PDE8A: variants seen among roughly 807,000 people sequenced by gnomAD.
The protein encoded by PDE8A is high affinity cAMP-specific and IBMX-insensitive 3',5'-cyclic phosphodiesterase 8A.
In PDE8A, 59 loss-of-function variants were observed where a neutral mutation model predicts 105.0. The ratio of observed to expected loss-of-function variants is 0.56; its 90% CI spans 0.46 to 0.70. The LOEUF (loss-of-function observed/expected upper bound fraction) is 0.70, where lower values mean the gene tolerates loss of function less well. Among genes scored for constraint, PDE8A ranks in the 30% least tolerant of loss-of-function variants. The probability of loss-of-function intolerance (pLI) is 0.00; values close to 1 mark genes in which losing one functional copy is unlikely to be tolerated. For missense variants in PDE8A, 1,014 were observed against 1,045.9 expected (o/e 0.97, Z 0.42); for synonymous variants, 355 against 371.9 (o/e 0.95, Z 0.52).
At chr15:84,982,465 G>A (rs1596403243) in intron 1 of PDE8A, 117 bp downstream of exon 1, 12 of 560,606 alleles carry the variant, frequency 2.1e-5, no homozygotes, top group South Asian at 2.0e-4. Flanking sequence ...CTCTTGTCCC[G>A]CTTTGGATGG....
chr15:84,992,716 G>A (rs765898436), intron 1 of PDE8A, among the ~76,000 whole-genome samples: 51 of 152,132 alleles, frequency 3.4e-4, no homozygotes, highest in Non-Finnish European at 1.0e-4. Context: ...GTGACAAATT[G>A]GACTTGGTGA....
Position 85,116,103 on chromosome 15 carries a change from G to C in PDE8A, c.1519G>C (p.Ala507Pro), listed in dbSNP as rs2082092812. ...YWDFDIFELE[A>P]ATHNRPLIYL... ...GGACTTTGATATTTTTGAACTGGAG[G>C]CTGCCACCCACAATAGGTGAGTTCA... is the stretch of plus-strand genomic sequence containing the variant. The change falls in exon 16 of 22, where the codon GCT becomes CCT. Residue 507 changes from alanine to proline, a missense_variant. Physicochemically the swap from Ala to Pro is conservative, Grantham distance 27 (BLOSUM62 -1). Coordinates refer to ENST00000394553, the MANE Select transcript of PDE8A (RefSeq NM_002605.3). 1.2e-6 allele frequency: 2 copies of C among 1,614,094 alleles called. No homozygotes were observed. The highest frequency in any genetic ancestry group is 1.3e-5 in the African/African-American group (1 of 75,046).
chr15:85,072,153 A>T (rs192601299), intron 3 of PDE8A, among the ~76,000 whole-genome samples: 2 of 152,228 alleles, frequency 1.3e-5, no homozygotes, highest in Admixed American at 6.5e-5. Context: ...GATCCTTTAT[A>T]CCATTATAAA....
intron 21 of PDE8A, 53 bp from the exon 22 acceptor site, chr15:85,137,744 A>C: frequency 8.5e-7 from 1 of 1,182,002 alleles, no homozygotes; most frequent in South Asian, 1.2e-5. Context: ...GTGAAAGCCT[A>C]AAATGTAAAC....
intron 20 of PDE8A, among the ~76,000 whole-genome samples, chr15:85,129,996 T>C (rs1596548090): frequency 6.6e-6 from 1 of 152,226 alleles, no homozygotes; most frequent in Non-Finnish European, 1.5e-5. Context: ...GGCTGGGTAA[T>C]TTATAAAGAA....
intron 1 of PDE8A, among the ~76,000 whole-genome samples, chr15:84,992,513 A>T (rs1364128042): frequency 6.6e-6 from 1 of 152,172 alleles, no homozygotes; most frequent in Non-Finnish European, 1.5e-5. Flanking sequence ...TCAGCGGGGT[A>T]GTCAAAGGAT....
At chr15:85,069,057 T>C (rs2081274208) in intron 3 of PDE8A, among the ~76,000 whole-genome samples, 1 of 152,210 alleles carries the variant, frequency 6.6e-6, no homozygotes, top group African/African-American at 2.4e-5. Context: ...AAAATGAAGT[T>C]CTTGTCTTCT....
chr15:85,028,784 T>A (rs999370561), intron 1 of PDE8A, among the ~76,000 whole-genome samples: 1 of 152,048 alleles, frequency 6.6e-6, no homozygotes, highest in Non-Finnish European at 1.5e-5. Flanking sequence ...AATGAAGACT[T>A]CCCATCTGCT....
intron 21 of PDE8A, 58 bp downstream of exon 21, chr15:85,136,721 G>A: frequency 6.6e-7 from 1 of 1,525,570 alleles, no homozygotes; most frequent in East Asian, 2.3e-5. Context: ...AACCGCGTAT[G>A]AAAGAGCAGA....
chr15:85,052,889 G>T (rs1323258225), intron 1 of PDE8A, among the ~76,000 whole-genome samples: 1 of 152,154 alleles, frequency 6.6e-6, no homozygotes, highest in Non-Finnish European at 1.5e-5. Context: ...TAGTCATGAA[G>T]TCCTTGCCCA....
upstream of PDE8A, among the ~76,000 whole-genome samples, chr15:84,981,497 A>C (rs1596401959): frequency 6.6e-6 from 1 of 151,436 alleles, no homozygotes; most frequent in South Asian, 2.1e-4. Flanking sequence ...TCCCCTCCCT[A>C]CCCTGGCGGA....
chr15:85,128,487 CTG>C (rs1160505161), intron 20 of PDE8A, among the ~76,000 whole-genome samples: 2 of 151,910 alleles, frequency 1.3e-5, no homozygotes, highest in Non-Finnish European at 2.9e-5. Context: ...CAGAGCAAGA[CTG>C]TGTCTTAATA....
intron 20 of PDE8A, among the ~76,000 whole-genome samples, chr15:85,127,897 T>C (rs1279072402): frequency 6.6e-6 from 1 of 151,776 alleles, no homozygotes; most frequent in Non-Finnish European, 1.5e-5. Flanking sequence ...GCTTCAAAAC[T>C]TAAAATAATC....
At chr15:85,133,627 C>T (rs1428703480) in intron 20 of PDE8A, among the ~76,000 whole-genome samples, 2 of 152,194 alleles carry the variant, frequency 1.3e-5, no homozygotes, top group Non-Finnish European at 2.9e-5. Flanking sequence ...GCCAGTCTCT[C>T]ATTTCATGGA....
chr15:84,996,686 T>C (rs2079981704), intron 1 of PDE8A, among the ~76,000 whole-genome samples: 1 of 150,572 alleles, frequency 6.6e-6, no homozygotes, highest in Admixed American at 6.6e-5. Flanking sequence ...ATTAGGCGGG[T>C]ATAGTGGCAC....
In PDE8A at chr15:84,982,002, A is replaced by G. The variant is rs2079717482; in HGVS notation, c.-161A>G. On this transcript the variant is annotated 5_prime_UTR_variant, in exon 1 of 22. Transcript: ENST00000394553. ...CCGCCGCCGCAGCGCCCGCACCGCG[A>G]TAAAAGGGGCGGCCGCGTTTCCTGA... The G allele has an allele frequency of 6.0e-6, 2 of 334,474 alleles. No individual in the cohort carries two copies. The highest frequency in any genetic ancestry group is 1.0e-5 in the Non-Finnish European group (2 of 193,958). 20.7% of individuals were successfully genotyped at this position (334,474 alleles called of 1,614,324 possible). A position where few individuals can be genotyped will look rare whatever the true frequency, so the allele number is the denominator to read the frequency against.
At chr15:85,009,118 T>A (rs1266374009) in intron 1 of PDE8A, among the ~76,000 whole-genome samples, 4 of 48,474 alleles carry the variant, frequency 8.3e-5, no homozygotes, top group Non-Finnish European at 1.4e-4. Context: ...AGAGTGTGTG[T>A]GTGTGTGTGT....
intron 1 of PDE8A, among the ~76,000 whole-genome samples, chr15:84,995,106 T>C (rs569512549): frequency 2.0e-5 from 3 of 152,216 alleles, no homozygotes; most frequent in Non-Finnish European, 4.4e-5. Context: ...AAATATTTAG[T>C]GTATATTTGC....
intron 18 of PDE8A, among the ~76,000 whole-genome samples, chr15:85,121,965 G>A (rs1439313683): frequency 6.6e-6 from 1 of 152,162 alleles, no homozygotes; most frequent in South Asian, 2.1e-4. Context: ...TCAAGGTGAA[G>A]TATAATGCTG....
Sources: allele counts gnomAD v4.1 joint callset (sites outside exome capture counted in the v4.1 genomes callset), GRCh38; gene constraint gnomAD v4.1.1; transcripts MANE v1.5; gene names NCBI Gene and HGNC (gene_info 2026-07-23, HGNC 2026-07-21).